LRRC7: variants seen among roughly 807,000 people sequenced by gnomAD.
LRRC7 encodes leucine-rich repeat-containing protein 7.
A neutral mutation model predicts 175.7 loss-of-function variants in LRRC7; 23 were observed. The ratio of observed to expected loss-of-function variants is 0.13; its 90% CI spans 0.09 to 0.19. The LOEUF is 0.19. Ranked by LOEUF, LRRC7 falls within the 10% of genes least tolerant of loss-of-function variation. The pLI, the probability that LRRC7 is intolerant of heterozygous loss-of-function variation, is 1.00. For synonymous variants in LRRC7, 685 were observed against 680.9 expected (o/e 1.01, Z -0.09); for missense variants, 1,354 against 1,904.7 (o/e 0.71, Z 5.38).
At chr1:69,753,296 A>ATG (rs35799015) in intron 2 of LRRC7, among the ~76,000 whole-genome samples, 43,468 of 145,902 alleles carry the variant, frequency 0.3, 6,411 homozygotes, top group Middle Eastern at 0.43. Flanking sequence ...GTGTGTGTGT[A>ATG]TGTGTGTGTG....
Position 70,013,101 on chromosome 1 carries a change from A to G in LRRC7, c.1250+12A>G, listed in dbSNP as rs748010099. ...TTGAGTGACAACAGGTATTTTTGCAACATTTCACAATCACATATTAGTTAT... is the reference window on the plus strand; with the variant it reads ...TTGAGTGACAACAGGTATTTTTGCAGCATTTCACAATCACATATTAGTTAT... On this transcript the variant is annotated intron_variant, in intron 13 of 26. Transcript: ENST00000651989. 4 of 1,447,024 alleles carry G rather than the reference A, an allele frequency of 2.8e-6. No individual in the cohort carries two copies. In the Admixed American group the frequency reaches 5.6e-5, roughly 20 times the overall value. 89.6% of individuals were successfully genotyped at this position (1,447,024 alleles called of 1,614,324 possible).
chr1:70,067,144 T>C (rs2102102218), intron 23 of LRRC7, among the ~76,000 whole-genome samples: 1 of 152,208 alleles, frequency 6.6e-6, no homozygotes, highest in South Asian at 2.1e-4. Flanking sequence ...CTTTTTACCA[T>C]TGAGCTTGAG....
At chr1:70,034,289 A>G (rs1226330898) in intron 18 of LRRC7, among the ~76,000 whole-genome samples, 1 of 152,172 alleles carries the variant, frequency 6.6e-6, no homozygotes, top group East Asian at 1.9e-4. Flanking sequence ...TTCAAAATCA[A>G]TCAAAATGAA....
At chr1:69,816,242 T>G (rs1237515631) in intron 4 of LRRC7, among the ~76,000 whole-genome samples, 1 of 152,146 alleles carries the variant, frequency 6.6e-6, no homozygotes, top group Non-Finnish European at 1.5e-5. Context: ...CCTCCTAAAG[T>G]GCTGGGATTA....
At chr1:69,745,693 G>A (rs973080798) in intron 2 of LRRC7, among the ~76,000 whole-genome samples, 1 of 151,672 alleles carries the variant, frequency 6.6e-6, no homozygotes, top group African/African-American at 2.4e-5. Flanking sequence ...ACAAAACAAT[G>A]TATTAATTCT....
chr1:70,138,893 T>G lies in LRRC7; in HGVS notation c.*17006T>G, dbSNP rs908732042. 1.3e-5 allele frequency: 2 copies of G among 152,178 alleles called. No homozygotes were observed. The highest frequency in any genetic ancestry group is 4.8e-5 in the African/African-American group (2 of 41,454). The allele number at this position is 152,178 out of a possible 1,614,324, so 9.4% of individuals were successfully genotyped here. ...GCTACCTGATTTTAAAGAGACCATA[T>G]TAGAAATGAAAAGCAGCAGTCTCTA... On this transcript the variant is annotated 3_prime_UTR_variant, in exon 27 of 27. Coordinates refer to ENST00000651989, the MANE Select transcript of LRRC7 (RefSeq NM_001370785.2).
intron 7 of LRRC7, among the ~76,000 whole-genome samples, chr1:69,904,092 C>T (rs1221154779): frequency 1.3e-5 from 2 of 151,992 alleles, no homozygotes; most frequent in Non-Finnish European, 2.9e-5. Context: ...CCATTCCTTC[C>T]ATATTTATAG....
intron 1 of LRRC7, among the ~76,000 whole-genome samples, chr1:69,626,711 C>T (rs894567240): frequency 9.0e-6 from 1 of 111,626 alleles, no homozygotes; most frequent in African/African-American, 3.4e-5. Context: ...CTATCCCTCC[C>T]CCCTCCCCTC....
chr1:69,643,224 C>T (rs777573704), intron 1 of LRRC7, among the ~76,000 whole-genome samples: 9 of 152,048 alleles, frequency 5.9e-5, no homozygotes, highest in Admixed American at 1.3e-4. Context: ...TTGTTGAGCT[C>T]GGATCTTCTT....
At chr1:69,865,469 C>CTTTTTTTTTTTTTTTTCTTT (rs1684823666) in intron 7 of LRRC7, among the ~76,000 whole-genome samples, 1 of 51,262 alleles carries the variant, frequency 2.0e-5, no homozygotes, top group African/African-American at 8.1e-5. Context: ...AAGACAGTTC[C>CTTTTTTTTTTTTTTTTCTTT]TTTTTTTTTT....
intron 1 of LRRC7, among the ~76,000 whole-genome samples, chr1:69,649,888 T>G (rs753934442): frequency 4.0e-5 from 6 of 151,880 alleles, no homozygotes; most frequent in Non-Finnish European, 8.8e-5. Context: ...ACAGGATAAT[T>G]CTTGGCCTTC....
At chr1:69,631,154 TTA>T (rs1652432842) in intron 1 of LRRC7, among the ~76,000 whole-genome samples, 1 of 152,164 alleles carries the variant, frequency 6.6e-6, no homozygotes, top group South Asian at 2.1e-4. Context: ...TATCTTTTCT[TTA>T]TGTCTGCACT....
rs17131121 is a variant in LRRC7, at chr1:70,013,663, A to G, written c.1250+574A>G. ...AGATGGGTAAAAAGAAAAAGTGCAA[A>G]CCTCAATTCATCTTTGTTTCCACCT... On this transcript the variant is annotated intron_variant, in intron 13 of 26. Transcript: ENST00000651989. Among the ~76,000 whole-genome samples the G allele has an allele frequency of 2.4e-3, 366 of 152,030 alleles. 1 individual carries two copies. Among genetic ancestry groups the G allele is most frequent in the African/African-American group, 8.2e-3 (341 of 41,550 alleles).
At chr1:69,910,598 T>C (rs1452521690) in intron 7 of LRRC7, among the ~76,000 whole-genome samples, 1 of 152,138 alleles carries the variant, frequency 6.6e-6, no homozygotes, top group Non-Finnish European at 1.5e-5. Context: ...GTGTGAGGTG[T>C]CAGTCTTCCC....
chr1:69,641,704 C>T (rs1654237514), intron 1 of LRRC7, among the ~76,000 whole-genome samples: 1 of 151,384 alleles, frequency 6.6e-6, no homozygotes, highest in African/African-American at 2.4e-5. Flanking sequence ...AATTTTGTAG[C>T]TATATTTTCT....
chr1:69,685,925 A>G lies in LRRC7; in HGVS notation c.100+7447A>G, dbSNP rs551380232. On this transcript the variant is annotated intron_variant, in intron 2 of 26. Coordinates refer to ENST00000651989, the MANE Select transcript of LRRC7 (RefSeq NM_001370785.2). ...AAAAAAAAAAAATCCACAACAGGAC[A>G]TTTCATAATTAAACTTGTGAGAACC... 7.9e-5 allele frequency among the ~76,000 whole-genome samples: 12 copies of G among 152,192 alleles called. No individual in the cohort carries two copies. In the East Asian group the frequency reaches 1.9e-3, roughly 24 times the overall value.
intron 4 of LRRC7, among the ~76,000 whole-genome samples, chr1:69,804,990 T>C (rs1676946027): frequency 6.6e-6 from 1 of 151,794 alleles, no homozygotes; most frequent in Admixed American, 6.6e-5. Context: ...TTTAAGGACT[T>C]TAATGAAAAT....
intron 11 of LRRC7, among the ~76,000 whole-genome samples, chr1:70,002,672 A>G (rs540732862): frequency 1.3e-3 from 200 of 152,268 alleles, no homozygotes; most frequent in Non-Finnish European, 2.1e-3. Flanking sequence ...CCACCCATTC[A>G]CTAACTGACC....
chr1:69,930,163 T>C (rs1647237390), intron 7 of LRRC7, among the ~76,000 whole-genome samples: 1 of 152,222 alleles, frequency 6.6e-6, no homozygotes, highest in Admixed American at 6.5e-5. Context: ...TTGTTTACTC[T>C]GATTCTTCCC....
Sources: gnomAD v4.1 joint callset for allele counts (sites outside exome capture counted in the v4.1 genomes callset) on GRCh38, gnomAD v4.1.1 for gene constraint, MANE v1.5 for transcripts, NCBI Gene and HGNC (gene_info 2026-07-23, HGNC 2026-07-21) for gene names.